The following MSL2 variants were observed in gnomAD, a reference collection of about 807,000 sequenced individuals.
MSL2 encodes MSL complex subunit 2.
A neutral mutation model predicts 35.8 loss-of-function variants in MSL2; 2 were observed. The ratio of observed to expected loss-of-function variants is 0.06; its 90% CI spans 0.02 to 0.18. The LOEUF is 0.18. MSL2 is among the 10% of genes least tolerant of loss of function. The pLI is 1.00. For missense variants in MSL2, 523 were observed against 706.7 expected, an observed-to-expected ratio of 0.74 and a Z score of 2.95; for synonymous variants, 296 against 255.7, an observed-to-expected ratio of 1.16 and a Z score of -1.50.
chr3:136,156,768 T>C (rs934610689), intron 1 of MSL2, among the ~76,000 whole-genome samples: 1 of 152,118 alleles, frequency 6.6e-6, no homozygotes, highest in Non-Finnish European at 1.5e-5. Context: ...GGCAGGAGAA[T>C]AGCGTGAACC....
At chr3:136,168,748 TATA>T (rs1201403504) in intron 1 of MSL2, among the ~76,000 whole-genome samples, 2 of 151,362 alleles carry the variant, frequency 1.3e-5, no homozygotes, top group South Asian at 4.2e-4. Flanking sequence ...AGAACTTGAG[TATA>T]ATAATAAAAA....
In MSL2 at chr3:136,151,833, C is replaced by T; in HGVS notation, c.1048G>A (p.Glu350Lys). The T allele has an allele frequency of 6.2e-7, 1 of 1,614,176 alleles. No homozygotes were observed. The highest frequency in any genetic ancestry group is 8.5e-7 in the Non-Finnish European group (1 of 1,180,020). The stretch of plus-strand genomic sequence containing the variant: ...GAAATTGGAAGTGGCTGAACTTTCT[C>T]ACTGTCACTCTCTGATCTGGATCGT... ...RKRSRSESDS[E>K]KVQPLPISTI... is the part of the protein sequence containing the mutation. Residue 350 changes from glutamate (E) to lysine (K), a missense_variant, in exon 2 of 2, where the codon GAG (glutamate) becomes AAG (lysine). This residue lies in a region of MSL2 where 361 missense variants were observed against 414.6 expected (regional missense o/e 0.87). Coordinates refer to ENST00000309993, the MANE Select transcript of MSL2 (RefSeq NM_018133.4). This position sits in a 1 kb window ranked among gnomAD's most constrained non-coding sequence, Gnocchi z 5.2.
chr3:136,166,405 T>TA (rs1939855409), intron 1 of MSL2, among the ~76,000 whole-genome samples: 3 of 151,336 alleles, frequency 2.0e-5, no homozygotes, highest in African/African-American at 7.3e-5. Context: ...AAGTAAGTTT[T>TA]AAGGCCCCAG....
chr3:136,184,246 A>T (rs1475966850), intron 1 of MSL2, among the ~76,000 whole-genome samples: 1 of 152,056 alleles, frequency 6.6e-6, no homozygotes, highest in African/African-American at 2.4e-5. Flanking sequence ...CAGTGAACCC[A>T]GATGGTGCCA....
At chr3:136,161,922 A>G (rs1216321874) in intron 1 of MSL2, among the ~76,000 whole-genome samples, 10 of 151,310 alleles carry the variant, frequency 6.6e-5, no homozygotes, top group African/African-American at 1.7e-4. Flanking sequence ...ATAGGAAGGG[A>G]AAAAAATACA....
chr3:136,176,392 G>A (rs1940178164), intron 1 of MSL2, among the ~76,000 whole-genome samples: 2 of 151,432 alleles, frequency 1.3e-5, no homozygotes, highest in South Asian at 4.2e-4. Context: ...GCATGCACCT[G>A]CAATCCCAGC....
At chr3:136,182,552 G>C (rs1485436434) in intron 1 of MSL2, among the ~76,000 whole-genome samples, 1 of 152,136 alleles carries the variant, frequency 6.6e-6, no homozygotes, top group African/African-American at 2.4e-5. Flanking sequence ...CCTGGATTGA[G>C]GGGGGTGGGG....
At chr3:136,159,543 TGC>T (rs1939640455) in intron 1 of MSL2, among the ~76,000 whole-genome samples, 2 of 145,444 alleles carry the variant, frequency 1.4e-5, no homozygotes, top group African/African-American at 5.1e-5. Flanking sequence ...TTTTTTTTTT[TGC>T]ATTTTTAGTA....
chr3:136,168,681 C>T (rs1210782372), intron 1 of MSL2, among the ~76,000 whole-genome samples: 2 of 152,004 alleles, frequency 1.3e-5, no homozygotes, highest in Admixed American at 6.6e-5. Flanking sequence ...GTGCAGCAAA[C>T]CACCATGGCA....
chr3:136,185,540 AG>A (rs1201531622), intron 1 of MSL2, among the ~76,000 whole-genome samples: 19 of 53,550 alleles, frequency 3.5e-4, no homozygotes, highest in South Asian at 1.8e-3. Context: ...TTTTTTTTGG[AG>A]GGGGGGGTGG....
chr3:136,159,351 TTTC>T (rs1240102253), intron 1 of MSL2, among the ~76,000 whole-genome samples: 3 of 136,206 alleles, frequency 2.2e-5, no homozygotes, highest in South Asian at 2.4e-4. Context: ...AGGAGAGTAC[TTTC>T]TTTTTTTTTT....
intron 1 of MSL2, among the ~76,000 whole-genome samples, chr3:136,157,894 T>C (rs931929054): frequency 6.6e-6 from 1 of 152,220 alleles, no homozygotes; most frequent in Non-Finnish European, 1.5e-5. Flanking sequence ...ATGCCTTCAC[T>C]GGTAAATTCT....
At chr3:136,155,321 A>G (rs901566174) in intron 1 of MSL2, among the ~76,000 whole-genome samples, 10 of 152,032 alleles carry the variant, frequency 6.6e-5, no homozygotes, top group African/African-American at 2.4e-4. Flanking sequence ...CCTGACCAAC[A>G]TGGTGAAACC....
intron 1 of MSL2, among the ~76,000 whole-genome samples, chr3:136,180,788 GGGAGGGA>G (rs1940324950): frequency 2.3e-5 from 1 of 44,190 alleles, no homozygotes; most frequent in African/African-American, 9.3e-5. Flanking sequence ...GAGGGAGGGA[GGGAGGGA>G]GGGAGGGAGG....
chr3:136,167,780 A>AC (rs1326728052), intron 1 of MSL2, among the ~76,000 whole-genome samples: 1 of 152,188 alleles, frequency 6.6e-6, no homozygotes, highest in African/African-American at 2.4e-5. Flanking sequence ...ATCTTATAAT[A>AC]CTTAAATATA....
chr3:136,195,603 G>A lies in MSL2; in HGVS notation c.-490C>T. 5.1e-6 allele frequency: 5 copies of A among 986,554 alleles called. No homozygotes were observed. Among genetic ancestry groups the A allele is most frequent in the Non-Finnish European group, 6.0e-6 (5 of 830,674 alleles). The allele number at this position is 986,554 out of a possible 1,614,324, so 61.1% of individuals were successfully genotyped here. A position where few individuals can be genotyped will look rare whatever the true frequency, so the allele number is the denominator to read the frequency against. On this transcript the variant is annotated 5_prime_UTR_variant, in exon 1 of 2. Transcript: ENST00000309993. ...TTACTCCATCCCAGTACAGGGCGCG[G>A]AGGCGGCGGCGACGGCAAGGACGAC...
At chr3:136,182,774 T>C (rs1432301058) in intron 1 of MSL2, among the ~76,000 whole-genome samples, 2 of 151,176 alleles carry the variant, frequency 1.3e-5, no homozygotes, top group Non-Finnish European at 2.9e-5. Flanking sequence ...TCTCAAGTCT[T>C]CAGCTCAGTA....
At chr3:136,186,027 T>G (rs191958748) in intron 1 of MSL2, among the ~76,000 whole-genome samples, 74 of 152,294 alleles carry the variant, frequency 4.9e-4, no homozygotes, top group Non-Finnish European at 3.2e-4. Flanking sequence ...TTTAGCTCAA[T>G]TACCACAACC....
At chr3:136,191,686 C>T (rs1940694891) in intron 1 of MSL2, among the ~76,000 whole-genome samples, 1 of 151,952 alleles carries the variant, frequency 6.6e-6, no homozygotes, top group African/African-American at 2.4e-5. Flanking sequence ...GGTGGAAGGA[C>T]TGCATGAATC....
Sources: allele counts gnomAD v4.1 joint callset (sites outside exome capture counted in the v4.1 genomes callset), GRCh38; gene constraint gnomAD v4.1.1; regional missense constraint gnomAD v4.1.1; non-coding constraint Gnocchi (gnomAD v3.1); transcripts MANE v1.5; gene names NCBI Gene and HGNC (gene_info 2026-07-23, HGNC 2026-07-21).